The following C11orf65 variants were observed in gnomAD, a reference collection of about 807,000 sequenced individuals.
C11orf65 encodes chromosome 11 open reading frame 65.
A neutral mutation model predicts 35.3 loss-of-function variants in C11orf65; 38 were observed. That is an observed-to-expected ratio of 1.08 (90% CI 0.83 to 1.41). The LOEUF is 1.41. Ranked by LOEUF, C11orf65 falls within the 40% of genes most tolerant of loss-of-function variation. The probability of loss-of-function intolerance (pLI) is 0.00; values close to 1 mark genes in which losing one functional copy is unlikely to be tolerated. For synonymous variants in C11orf65, 105 were observed against 114.4 expected (o/e 0.92, Z 0.53); for missense variants, 370 against 367.1 (o/e 1.01, Z -0.06).
upstream of C11orf65, among the ~76,000 whole-genome samples, chr11:108,468,609 A>C (rs2093560608): frequency 2.0e-5 from 3 of 152,348 alleles, no homozygotes; most frequent in South Asian, 6.2e-4. Context: ...AATTCTTGGT[A>C]GGTTAATTCA....
At chr11:108,319,023 A>C (rs1377657512) in intron 6 of C11orf65, among the ~76,000 whole-genome samples, 1 of 152,076 alleles carries the variant, frequency 6.6e-6, no homozygotes, top group Non-Finnish European at 1.5e-5. Flanking sequence ...AAAAAAATAC[A>C]AAAGTTAGCT....
chr11:108,408,733 T>TAAAATAA (rs1565660249), intron 3 of C11orf65, among the ~76,000 whole-genome samples: 1 of 34,644 alleles, frequency 2.9e-5, no homozygotes, highest in African/African-American at 1.0e-4. Flanking sequence ...TAAAATAAAA[T>TAAAATAA]GATATAAGAA....
intron 3 of C11orf65, among the ~76,000 whole-genome samples, chr11:108,430,897 AACACACACACACACACACACACACAC>A (rs10588668): frequency 5.1e-4 from 73 of 143,910 alleles, no homozygotes; most frequent in East Asian, 5.0e-3. Context: ...AAGGATAGGG[AACACACACACACACACACACACACAC>A]ACACACACAC....
chr11:108,336,991 G>A (rs1283823359), intron 2 of C11orf65, among the ~76,000 whole-genome samples: 2 of 152,052 alleles, frequency 1.3e-5, no homozygotes, highest in East Asian at 1.9e-4. Context: ...AGGGACTATG[G>A]GTGACATGTG....
At chr11:108,321,223 T>G in intron 6 of C11orf65, 1 of 1,585,498 alleles carries the variant, frequency 6.3e-7, no homozygotes, top group Non-Finnish European at 8.6e-7. Flanking sequence ...TGAGAACTCT[T>G]TAACAACAAA....
chr11:108,365,098 C>T lies in C11orf65; in HGVS notation c.226+28110G>A, dbSNP rs1555151244. On this transcript the variant is annotated intron_variant, in intron 2 of 3. Coordinates refer to the C11orf65 transcript ENST00000524755. The stretch of plus-strand genomic sequence containing the variant: ...TCTGTTTAGGTCCTTCTATATGATC[C>T]ACTCTTTGACTGGACCATGAATCCT... 1 of 1,614,044 alleles carries T rather than the reference C, an allele frequency of 6.2e-7. No individual in the cohort carries two copies. The highest frequency in any genetic ancestry group is 8.5e-7 in the Non-Finnish European group (1 of 1,179,972).
chr11:108,319,668 C>T lies in C11orf65; in HGVS notation c.641-10597G>A, dbSNP rs953979034. On this transcript the variant is annotated intron_variant, in intron 6 of 6. Coordinates refer to the C11orf65 transcript ENST00000525729. ...GATCTGACTTGTCCACTTGTGAATTCCCCTTGTGCCTAGTGCCTGGCACAT... is the reference window on the plus strand; with the variant it reads ...GATCTGACTTGTCCACTTGTGAATTTCCCTTGTGCCTAGTGCCTGGCACAT... Among the ~76,000 whole-genome samples the T allele has an allele frequency of 3.3e-5, 5 of 152,300 alleles. No individual in the cohort carries two copies. The South Asian group carries it at 1.0e-3, about 32-fold the overall frequency.
rs1284049490 is a variant in C11orf65, at chr11:108,335,951, G to T, written c.227-659C>A. On this transcript the variant is annotated intron_variant, in intron 2 of 3. Transcript: ENST00000524755. ...ACTAGGAAGAGGAAATTAACTATCT[G>T]TACTTATAAGGTAACTATTTGTACT... is the stretch of plus-strand genomic sequence containing the variant. 4 of 1,606,960 alleles carry T rather than the reference G, an allele frequency of 2.5e-6. No homozygotes were observed. The highest frequency in any genetic ancestry group is 1.7e-5 in the Admixed American group (1 of 60,000).
At position 108,389,297 on chromosome 11, in the gene C11orf65, G is replaced by C. The variant is rs146847524; in HGVS notation, c.732-3322C>G. Among the ~76,000 whole-genome samples, 90 of 152,296 alleles carry C rather than the reference G, an allele frequency of 5.9e-4. 1 individual carries two copies. The highest frequency in any genetic ancestry group is 1.9e-3 in the African/African-American group (80 of 41,558). Reference sequence around the variant, plus strand: ...GACCATAAATGTGCTGGAAAGAAGGGGCTTATGCCTAATGTCTGCAGTTAG... The same window carrying C: ...GACCATAAATGTGCTGGAAAGAAGGCGCTTATGCCTAATGTCTGCAGTTAG... On this transcript the variant is annotated intron_variant, in intron 7 of 8. Coordinates refer to ENST00000393084, the MANE Select transcript of C11orf65 (RefSeq NM_152587.5).
chr11:108,331,404 T>C, downstream of C11orf65: 1 of 1,600,022 alleles, frequency 6.2e-7, no homozygotes, highest in Non-Finnish European at 8.5e-7. Flanking sequence ...ATATTTGAAA[T>C]ACCTTGTTTC....
downstream of C11orf65, among the ~76,000 whole-genome samples, chr11:108,380,223 G>A (rs184856354): frequency 2.0e-5 from 3 of 152,184 alleles, no homozygotes; most frequent in Non-Finnish European, 4.4e-5. Context: ...CTCCACTTAG[G>A]TATAGCCCTA....
intron 6 of C11orf65, among the ~76,000 whole-genome samples, chr11:108,313,476 G>T (rs1352427207): frequency 6.6e-6 from 1 of 152,036 alleles, no homozygotes; most frequent in Non-Finnish European, 1.5e-5. Context: ...ACTTCATGTT[G>T]CTAAGTCTGG....
chr11:108,315,902 C>G lies in C11orf65; in HGVS notation c.641-6831G>C, dbSNP rs863224575. The G allele has an allele frequency of 6.2e-7, 1 of 1,610,878 alleles. No individual in the cohort carries two copies. Among genetic ancestry groups the G allele is most frequent in the East Asian group, 2.2e-5 (1 of 44,848 alleles). ...TGTGGTGGAGGGAAGATGTTACAAC[C>G]CATTACTAGGTAAATTGCATTTTTC... On this transcript the variant is annotated intron_variant, in intron 6 of 6. Transcript: ENST00000525729.
intron 6 of C11orf65, chr11:108,325,663 T>C (rs1591131086): frequency 2.3e-6 from 2 of 882,108 alleles, no homozygotes; most frequent in East Asian, 2.7e-5. Context: ...TATTAATATA[T>C]AGTAAAAATA....
chr11:108,359,747 A>C (rs1045293123), intron 2 of C11orf65, among the ~76,000 whole-genome samples: 1 of 152,134 alleles, frequency 6.6e-6, no homozygotes, highest in African/African-American at 2.4e-5. Context: ...TTTGAAACCA[A>C]CGAGAACAAA....
At chr11:108,451,170 G>C (rs928697965) in intron 2 of C11orf65, among the ~76,000 whole-genome samples, 1 of 151,956 alleles carries the variant, frequency 6.6e-6, no homozygotes, top group Non-Finnish European at 1.5e-5. Flanking sequence ...AATCAGGCAG[G>C]AGAAAGAAAT....
At chr11:108,416,951 C>T (rs1468292221) in intron 3 of C11orf65, among the ~76,000 whole-genome samples, 5 of 152,050 alleles carry the variant, frequency 3.3e-5, no homozygotes, top group African/African-American at 9.7e-5. Context: ...AGTGCATTGT[C>T]TGGGAGAAGA....
chr11:108,334,161 C>T (rs539531402), intron 3 of C11orf65, among the ~76,000 whole-genome samples: 1 of 152,184 alleles, frequency 6.6e-6, no homozygotes, highest in Non-Finnish European at 1.5e-5. Context: ...CTCCTGCTTT[C>T]TTTTCCATTG....
chr11:108,408,694 A>ATAAAATAAAAT (rs2092596242), intron 3 of C11orf65, among the ~76,000 whole-genome samples: 2 of 106,388 alleles, frequency 1.9e-5, no homozygotes, highest in African/African-American at 4.0e-5. Flanking sequence ...AAAATAAAAT[A>ATAAAATAAAAT]AAATAAAATA....
Sources: allele counts gnomAD v4.1 joint callset (sites outside exome capture counted in the v4.1 genomes callset), GRCh38; gene constraint gnomAD v4.1.1; transcripts MANE v1.5; gene names NCBI Gene and HGNC (gene_info 2026-07-23, HGNC 2026-07-21).